Variants in CERS3 observed in about 807,000 individuals in gnomAD.
CERS3 encodes the protein ceramide synthase 3.
A neutral mutation model predicts 50.3 loss-of-function variants in CERS3; 33 were observed. The ratio of observed to expected loss-of-function variants is 0.66; its 90% CI spans 0.50 to 0.88. The LOEUF (loss-of-function observed/expected upper bound fraction) is 0.88. CERS3 is among the 40% of genes least tolerant of loss of function. The pLI is 0.00. For missense variants in CERS3, 470 were observed against 460.3 expected (o/e 1.02, Z -0.19); for synonymous variants, 176 against 155.2 (o/e 1.13, Z -0.99).
At chr15:100,417,099 C>G (rs946615510) in intron 11 of CERS3, among the ~76,000 whole-genome samples, 3 of 152,184 alleles carry the variant, frequency 2.0e-5, no homozygotes, top group African/African-American at 7.2e-5. Flanking sequence ...CGAATAGGAA[C>G]AGCTCTGGTC....
At chr15:100,463,185 T>C (rs1055762463) in intron 10 of CERS3, among the ~76,000 whole-genome samples, 1 of 151,946 alleles carries the variant, frequency 6.6e-6, no homozygotes. Context: ...TTAAAATTAT[T>C]TCTAAAATTG....
At chr15:100,407,744 CTATT>C (rs776110397) in intron 11 of CERS3, among the ~76,000 whole-genome samples, 7 of 152,136 alleles carry the variant, frequency 4.6e-5, no homozygotes, top group Non-Finnish European at 7.3e-5. Context: ...AGTACAACAA[CTATT>C]TACACAGCAT....
chr15:100,467,745 TTCTCTCTC>T (rs55685908), intron 10 of CERS3, among the ~76,000 whole-genome samples: 2 of 37,196 alleles, frequency 5.4e-5, no homozygotes, highest in African/African-American at 1.3e-4. Flanking sequence ...ATTGCTATCA[TTCTCTCTC>T]TCTCTCTCTC....
chr15:100,408,426 G>C (rs1044980553), intron 11 of CERS3: 13 of 152,096 alleles, frequency 8.5e-5, no homozygotes, highest in Admixed American at 8.5e-4. Context: ...CCAACTTCAT[G>C]ACATTTTCTA....
At chr15:100,509,125 T>G (rs553190892) in intron 2 of CERS3, among the ~76,000 whole-genome samples, 4 of 152,178 alleles carry the variant, frequency 2.6e-5, no homozygotes, top group African/African-American at 9.7e-5. Flanking sequence ...ATGTAGCTAA[T>G]GTAGGGGGTT....
At chr15:100,500,189 G>C (rs1017333729) in intron 3 of CERS3, 1 of 152,184 alleles carries the variant, frequency 6.6e-6, no homozygotes, top group African/African-American at 2.4e-5. Context: ...AAAGAGATAT[G>C]GCATTAGTGA....
At chr15:100,407,476 T>A (rs1460830491) in intron 11 of CERS3, among the ~76,000 whole-genome samples, 1 of 152,268 alleles carries the variant, frequency 6.6e-6, no homozygotes, top group South Asian at 2.1e-4. Context: ...GGCATGCACA[T>A]AGGTGAAAAC....
chr15:100,494,239 A>G (rs1567660530), intron 3 of CERS3, among the ~76,000 whole-genome samples: 9 of 51,754 alleles, frequency 1.7e-4, no homozygotes, highest in South Asian at 8.3e-4. Flanking sequence ...ATATATATAT[A>G]TATATATATA....
intron 10 of CERS3, among the ~76,000 whole-genome samples, chr15:100,466,853 C>CTCTCTCTCTCTCTCTT (rs1555528101): frequency 3.8e-5 from 4 of 104,690 alleles, no homozygotes; most frequent in South Asian, 3.7e-4. Flanking sequence ...CTCTCTTTCT[C>CTCTCTCTCTCTCTCTT]TCTTTCTTTC....
At chr15:100,407,968 T>C (rs568844494) in intron 11 of CERS3, among the ~76,000 whole-genome samples, 1 of 152,246 alleles carries the variant, frequency 6.6e-6, no homozygotes, top group East Asian at 1.9e-4. Flanking sequence ...GCCTCCAAGG[T>C]TCAAGTGATT....
chr15:100,415,591 C>G (rs1478181290), intron 11 of CERS3, among the ~76,000 whole-genome samples: 5 of 152,242 alleles, frequency 3.3e-5, no homozygotes, highest in Non-Finnish European at 7.3e-5. Context: ...TACACATACA[C>G]CATGGAATAC....
intron 11 of CERS3, among the ~76,000 whole-genome samples, chr15:100,413,184 C>T (rs1461844903): frequency 6.6e-6 from 1 of 152,142 alleles, no homozygotes; most frequent in Non-Finnish European, 1.5e-5. Flanking sequence ...CCATATTTTA[C>T]ATCCTTTAAA....
At chr15:100,425,988 C>T (rs1361598990) in intron 11 of CERS3, 1 of 152,352 alleles carries the variant, frequency 6.6e-6, no homozygotes, top group African/African-American at 2.4e-5. Context: ...TCCTCCTACT[C>T]CAGCCATGTA....
Position 100,402,826 on chromosome 15 carries a change from C to A in CERS3, c.1039G>T (p.Glu347Ter). ...TCTTCTTCTTCCTCTTCCTCTTCCT[C>A]TTCATAATCCTCGTCATCACTCCTC... ...DVRSDDEDYE[E>*]EEEEEEEEAT... Residue 347 changes from glutamate to a stop codon, truncating the protein, a stop_gained, in exon 12 of 12, where the codon GAG becomes TAG. Transcript: ENST00000679737. LOFTEE classifies it high-confidence loss of function. 1 of 1,612,616 alleles carries A rather than the reference C, an allele frequency of 6.2e-7. No homozygotes were observed. The highest frequency in any genetic ancestry group is 8.5e-7 in the Non-Finnish European group (1 of 1,179,240).
At chr15:100,438,202 G>A (rs1008388509) in intron 11 of CERS3, among the ~76,000 whole-genome samples, 7 of 151,364 alleles carry the variant, frequency 4.6e-5, no homozygotes, top group African/African-American at 1.7e-4. Flanking sequence ...ACACCACCAC[G>A]CCCAGCTAAT....
At position 100,454,888 on chromosome 15, in the gene CERS3, A is replaced by AAT. The variant is rs1567629229; in HGVS notation, c.999+1004_999+1005insAT. Among the ~76,000 whole-genome samples, 5 of 152,096 alleles carry AAT rather than the reference A, an allele frequency of 3.3e-5. No homozygotes were observed. In the South Asian group the frequency reaches 6.2e-4, roughly 19 times the overall value. ...TCAACAGTAAAACAACAACAACAAC[A>AAT]AATAATAATGATAATTCCATTAAAA... is the stretch of plus-strand genomic sequence containing the variant. On this transcript the variant is annotated intron_variant, in intron 11 of 11. Transcript: ENST00000679737.
chr15:100,487,483 G>A (rs992893602), intron 4 of CERS3, among the ~76,000 whole-genome samples: 2 of 152,188 alleles, frequency 1.3e-5, no homozygotes, highest in Admixed American at 1.3e-4. Context: ...ACAGAAAGTC[G>A]GTGACAGAGC....
At chr15:100,415,125 C>T (rs2031799312) in intron 11 of CERS3, among the ~76,000 whole-genome samples, 1 of 152,194 alleles carries the variant, frequency 6.6e-6, no homozygotes, top group African/African-American at 2.4e-5. Flanking sequence ...TATGAACAGA[C>T]ACTTCTCAAA....
At chr15:100,455,454 G>A (rs915093983) in intron 11 of CERS3, among the ~76,000 whole-genome samples, 1 of 152,152 alleles carries the variant, frequency 6.6e-6, no homozygotes, top group South Asian at 2.1e-4. Context: ...AGCTGGAAGA[G>A]AGGACTTGAA....
Sources: allele counts gnomAD v4.1 joint callset (sites outside exome capture counted in the v4.1 genomes callset), GRCh38; gene constraint gnomAD v4.1.1; transcripts MANE v1.5; gene names NCBI Gene and HGNC (gene_info 2026-07-23, HGNC 2026-07-21).